The following ABCB4 variants were observed in gnomAD, a reference collection of about 807,000 sequenced individuals.
The protein encoded by ABCB4 is ATP binding cassette subfamily B member 4, also known as phosphatidylcholine translocator ABCB4.
In ABCB4, 76 loss-of-function variants were observed where a neutral mutation model predicts 145.7. The observed-to-expected ratio is 0.52, with a 90% CI of 0.43 to 0.63. The LOEUF (loss-of-function observed/expected upper bound fraction) is 0.63. ABCB4 is among the 30% of genes least tolerant of loss of function. The probability of loss-of-function intolerance (pLI) is 0.00; values close to 1 mark genes in which losing one functional copy is unlikely to be tolerated. For missense variants in ABCB4, 1,234 were observed against 1,553.1 expected, an observed-to-expected ratio of 0.79 and a Z score of 3.45; for synonymous variants, 517 against 566.8, an observed-to-expected ratio of 0.91 and a Z score of 1.25.
At chr7:87,439,958 G>C in intron 13 of ABCB4, 121 bp from the exon 14 acceptor site, 1 of 1,356,416 alleles carries the variant, frequency 7.4e-7, no homozygotes, top group Non-Finnish European at 1.0e-6. Context: ...GTATCATAAA[G>C]TATGATAAGA....
intron 4 of ABCB4, 75 bp from the exon 5 acceptor site, chr7:87,454,667 G>T: frequency 9.0e-7 from 1 of 1,106,496 alleles, no homozygotes; most frequent in Non-Finnish European, 1.3e-6. Context: ...TTAAAAATCT[G>T]TTAATAATTT....
intron 15 of ABCB4, among the ~76,000 whole-genome samples, 166 bp from the exon 16 acceptor site, chr7:87,427,086 A>G (rs1809885518): frequency 6.6e-6 from 1 of 152,208 alleles, no homozygotes. Flanking sequence ...AAGGATAGCT[A>G]GAAAACTATA....
At chr7:87,428,334 G>A (rs1809977113) in intron 15 of ABCB4, among the ~76,000 whole-genome samples, 1 of 152,148 alleles carries the variant, frequency 6.6e-6, no homozygotes, top group South Asian at 2.1e-4. Context: ...TCCACCAGGT[G>A]TTAAAAAGTA....
Position 87,450,012 on chromosome 7 carries a change from G to A in ABCB4, c.789C>T (p.Ile263=), listed in dbSNP as rs1811602774. ...GGCCCCCGAAAGCTATCACAGTCCTGATGGCCCCCAGAGCCTCTTCTGCCA... is the reference window on the plus strand; with the variant it reads ...GGCCCCCGAAAGCTATCACAGTCCTAATGGCCCCCAGAGCCTCTTCTGCCA... ...GAVAEEALGA[I]RTVIAFGGQN... is the part of the protein sequence containing the mutation. Residue 263 remains isoleucine (I), a synonymous_variant, in exon 8 of 28, where the codon ATC becomes ATT. Transcript: ENST00000649586. 6.2e-7 allele frequency: 1 copy of A among 1,614,034 alleles called. No homozygotes were observed. The highest frequency in any genetic ancestry group is 1.3e-5 in the African/African-American group (1 of 74,914).
chr7:87,444,771 T>G, intron 10 of ABCB4, 91 bp downstream of exon 10: 2 of 878,140 alleles, frequency 2.3e-6, no homozygotes, highest in East Asian at 2.7e-5. Context: ...ACTTATTCAA[T>G]GTAGTTGATT....
intron 3 of ABCB4, among the ~76,000 whole-genome samples, chr7:87,464,108 G>A (rs1005058409): frequency 6.6e-6 from 1 of 152,184 alleles, no homozygotes; most frequent in African/African-American, 2.4e-5. Context: ...TTGGGAGAGA[G>A]GGTGATGAGC....
rs1044463535 is a variant in ABCB4 at position 87,445,067 on chromosome 7, G to C, written c.1006-92C>G. The C allele has an allele frequency of 9.9e-5, 86 of 868,350 alleles. No homozygotes were observed. The South Asian group carries it at 1.3e-3, about 13-fold the overall frequency. 53.8% of individuals were successfully genotyped at this position (868,350 alleles called of 1,614,324 possible). On this transcript the variant is annotated intron_variant, in intron 9 of 27. Coordinates refer to ENST00000649586, the MANE Select transcript of ABCB4 (RefSeq NM_000443.4). ...TGTATATGTAACATAGTACATAAAG[G>C]ATTAAGTTTAGGTTTATCCTTTCCT...
chr7:87,440,283 A>G lies in ABCB4; in HGVS notation c.1476T>C (p.Tyr492=). ...CATCCATGGTTACATTTCCACGGCC[A>G]TAACAAATATTTTCAGCAATTGTGG... ...FSTTIAENIC[Y]GRGNVTMDEI... is the part of the protein sequence containing the mutation. The change falls in exon 13 of 28, where the codon TAT becomes TAC. Residue 492 remains tyrosine (Y), a synonymous_variant. Coordinates refer to ENST00000649586, the MANE Select transcript of ABCB4 (RefSeq NM_000443.4). The G allele has an allele frequency of 1.2e-6, 2 of 1,614,192 alleles. No homozygotes were observed. The highest frequency in any genetic ancestry group is 1.7e-6 in the Non-Finnish European group (2 of 1,180,026).
downstream of ABCB4, chr7:87,398,663 G>T (rs182372140): frequency 1.3e-5 from 21 of 1,609,952 alleles, no homozygotes; most frequent in Admixed American, 2.8e-4. Flanking sequence ...CATCTATTAA[G>T]CACTTACCAA....
intron 14 of ABCB4, among the ~76,000 whole-genome samples, chr7:87,434,279 C>T (rs950251255): frequency 6.6e-6 from 1 of 151,440 alleles, no homozygotes; most frequent in African/African-American, 2.4e-5. Flanking sequence ...TATGATAACA[C>T]CATGATCAGG....
intron 15 of ABCB4, among the ~76,000 whole-genome samples, chr7:87,427,521 T>A (rs1809922134): frequency 6.6e-6 from 1 of 152,150 alleles, no homozygotes; most frequent in Non-Finnish European, 1.5e-5. Context: ...GACTTCTAGT[T>A]CACTGCCTAG....
At chr7:87,434,537 C>G (rs924654025) in intron 14 of ABCB4, among the ~76,000 whole-genome samples, 1 of 151,994 alleles carries the variant, frequency 6.6e-6, no homozygotes, top group Non-Finnish European at 1.5e-5. Flanking sequence ...ATCACGAGAT[C>G]AAGACATTGA....
chr7:87,475,129 T>C (rs981177114), intron 2 of ABCB4, among the ~76,000 whole-genome samples: 3 of 152,200 alleles, frequency 2.0e-5, no homozygotes, highest in African/African-American at 7.2e-5. Flanking sequence ...GAATCCCCCC[T>C]GCACAAAGGG....
intron 3 of ABCB4, among the ~76,000 whole-genome samples, chr7:87,467,574 C>T (rs1483119429): frequency 6.6e-6 from 1 of 152,176 alleles, no homozygotes; most frequent in Non-Finnish European, 1.5e-5. Context: ...CTCTCCACCC[C>T]AAATCAACAG....
At chr7:87,416,335 G>A (rs1049066534) in intron 21 of ABCB4, among the ~76,000 whole-genome samples, 7 of 152,170 alleles carry the variant, frequency 4.6e-5, no homozygotes, top group East Asian at 3.8e-4. Context: ...AGTCTCTGAC[G>A]CCTTCTTCCC....
At chr7:87,381,819 G>A in the ABCB4 span, 1 of 828,730 alleles carries the variant, frequency 1.2e-6, no homozygotes. Context: ...TTTATTATCT[G>A]TTAAGAATGG....
chr7:87,392,255 T>G, the ABCB4 span, among the ~76,000 whole-genome samples: 1 of 152,344 alleles, frequency 6.6e-6, no homozygotes, highest in African/African-American at 2.4e-5. Context: ...AACTGCTTTA[T>G]TGTCATTTTT....
At chr7:87,376,965 G>A in the ABCB4 span, among the ~76,000 whole-genome samples, 4 of 152,142 alleles carry the variant, frequency 2.6e-5, no homozygotes, top group African/African-American at 9.6e-5. Context: ...GGTTTAGTAG[G>A]AAACGAATTC....
At chr7:87,403,061 T>G in intron 27 of ABCB4, 74 bp downstream of exon 27, 1 of 1,522,922 alleles carries the variant, frequency 6.6e-7, no homozygotes, top group South Asian at 1.1e-5. Context: ...TGTGTGTGTT[T>G]TTTTCATGGT....
Sources: gnomAD v4.1 joint callset for allele counts (sites outside exome capture counted in the v4.1 genomes callset) on GRCh38, gnomAD v4.1.1 for gene constraint, MANE v1.5 for transcripts, NCBI Gene and HGNC (gene_info 2026-07-23, HGNC 2026-07-21) for gene names.